AKAP7: variants seen among roughly 807,000 people sequenced by gnomAD.
AKAP7 encodes A kinase (PRKA) anchor protein 7.
In AKAP7, 39 loss-of-function variants were observed where a neutral mutation model predicts 39.5. The observed-to-expected ratio is 0.99, with a 90% CI of 0.76 to 1.29. The LOEUF (loss-of-function observed/expected upper bound fraction) is 1.29, where lower values mean the gene tolerates loss of function less well. Ranked by LOEUF, AKAP7 falls within the 50% of genes most tolerant of loss-of-function variation. AKAP7 has a pLI of 0.00. For missense variants in AKAP7, 414 were observed against 407.7 expected, an observed-to-expected ratio of 1.02 and a Z score of -0.13; for synonymous variants, 140 against 139.1, an observed-to-expected ratio of 1.01 and a Z score of -0.05.
intron 7 of AKAP7, among the ~76,000 whole-genome samples, chr6:131,228,327 G>C (rs1410121060): frequency 2.0e-5 from 3 of 152,186 alleles, no homozygotes; most frequent in Admixed American, 6.6e-5. Context: ...ATTTGAAAAT[G>C]TGTGTATTTC....
intron 7 of AKAP7, among the ~76,000 whole-genome samples, chr6:131,235,530 G>A (rs1810976150): frequency 6.6e-6 from 1 of 152,222 alleles, no homozygotes; most frequent in Admixed American, 6.5e-5. Flanking sequence ...CACCAACAGT[G>A]TAAAAGTGTT....
intron 5 of AKAP7, 59 bp downstream of exon 5, chr6:131,169,332 T>C (rs1408027): frequency 0.47 from 741,179 of 1,576,798 alleles, 177,067 homozygotes; most frequent in East Asian, 0.73. Flanking sequence ...TTTTTTTCAA[T>C]TTTGTAACAG....
chr6:131,240,183 G>C lies in AKAP7; in HGVS notation c.850+20375G>C, dbSNP rs552909638. ...TTGCTGGAGGTCCACTCCAGACCCTGTTTGCCTGGGTATCAGCAGCGGAGG... is the reference window on the plus strand; with the variant it reads ...TTGCTGGAGGTCCACTCCAGACCCTCTTTGCCTGGGTATCAGCAGCGGAGG... On this transcript the variant is annotated intron_variant, in intron 7 of 7. Transcript: ENST00000431975. 1.1e-3 allele frequency among the ~76,000 whole-genome samples: 165 copies of C among 152,332 alleles called. 1 individual carries two copies. Among genetic ancestry groups the C allele is most frequent in the African/African-American group, 3.7e-3 (152 of 41,598 alleles).
intron 5 of AKAP7, among the ~76,000 whole-genome samples, chr6:131,185,694 AAGG>A (rs1208917702): frequency 6.6e-6 from 1 of 152,204 alleles, no homozygotes; most frequent in Non-Finnish European, 1.5e-5. Flanking sequence ...TGTTGATTTG[AAGG>A]AGTTCTTTAA....
chr6:131,261,895 G>A (rs1813379209), intron 7 of AKAP7, among the ~76,000 whole-genome samples: 1 of 152,128 alleles, frequency 6.6e-6, no homozygotes, highest in African/African-American at 2.4e-5. Flanking sequence ...AGTTAAGTAA[G>A]TTTTGGAGGA....
intron 6 of AKAP7, among the ~76,000 whole-genome samples, chr6:131,208,985 T>TA (rs1431723031): frequency 6.6e-6 from 1 of 152,236 alleles, no homozygotes; most frequent in African/African-American, 2.4e-5. Context: ...CAGAGCAGGA[T>TA]ATATAATTTG....
rs777478905 is a variant in AKAP7, at chr6:131,165,131, G to A, written c.342G>A (p.Glu114=). The change falls in exon 4 of 8, where the codon GAG becomes GAA. Residue 114 remains glutamate (E), a synonymous_variant. Coordinates refer to ENST00000431975, the MANE Select transcript of AKAP7 (RefSeq NM_016377.4). ...ILQNAIIQQD[E]RLAKAMVSDG... ...AGAATGCAATAATACAACAAGATGA[G>A]CGACTGGCCAAAGCAATGGTCAGTG... 15 of 1,611,512 alleles carry A rather than the reference G, an allele frequency of 9.3e-6. No individual in the cohort carries two copies. Among genetic ancestry groups the A allele is most frequent in the Admixed American group, 6.7e-5 (4 of 59,874 alleles).
intron 2 of AKAP7, among the ~76,000 whole-genome samples, chr6:131,154,359 G>A (rs1450290643): frequency 1.3e-5 from 2 of 151,766 alleles, no homozygotes; most frequent in Non-Finnish European, 1.5e-5. Context: ...GCAAATTGTC[G>A]TAATTAGTAC....
intron 7 of AKAP7, among the ~76,000 whole-genome samples, chr6:131,261,013 A>G (rs1417105249): frequency 6.6e-6 from 1 of 152,100 alleles, no homozygotes; most frequent in Non-Finnish European, 1.5e-5. Context: ...CCTGACCAAC[A>G]TGGAGAAACC....
chr6:131,154,045 A>G (rs947182017), intron 2 of AKAP7, among the ~76,000 whole-genome samples: 4 of 152,100 alleles, frequency 2.6e-5, no homozygotes, highest in African/African-American at 9.7e-5. Flanking sequence ...ACCTGTCTCT[A>G]CTAAAAATAC....
At chr6:131,210,131 G>T (rs1808508410) in intron 6 of AKAP7, among the ~76,000 whole-genome samples, 1 of 152,180 alleles carries the variant, frequency 6.6e-6, no homozygotes, top group Non-Finnish European at 1.5e-5. Context: ...AGGAATTAAG[G>T]TTGCAATCCA....
chr6:131,136,818 C>G (rs1224122418), intron 1 of AKAP7: 2 of 982,870 alleles, frequency 2.0e-6, no homozygotes, highest in East Asian at 2.3e-4. Flanking sequence ...TTGATTTCTA[C>G]GCAGCTGTCA....
intron 7 of AKAP7, among the ~76,000 whole-genome samples, chr6:131,258,255 C>T (rs1009092521): frequency 6.6e-6 from 1 of 152,172 alleles, no homozygotes; most frequent in Non-Finnish European, 1.5e-5. Context: ...CACATGCTTC[C>T]TACTAATGGA....
chr6:131,244,282 C>T (rs2128314900), intron 7 of AKAP7, among the ~76,000 whole-genome samples: 1 of 152,312 alleles, frequency 6.6e-6, no homozygotes, highest in Non-Finnish European at 1.5e-5. Flanking sequence ...AGCTCGTACC[C>T]TCCTTGGGCC....
intron 7 of AKAP7, among the ~76,000 whole-genome samples, chr6:131,235,138 A>G (rs1036840859): frequency 6.6e-6 from 1 of 152,000 alleles, no homozygotes; most frequent in Non-Finnish European, 1.5e-5. Flanking sequence ...ATTCCCACCT[A>G]TGAATGAGAA....
intron 7 of AKAP7, among the ~76,000 whole-genome samples, chr6:131,246,272 T>G (rs1449295966): frequency 1.3e-5 from 2 of 152,238 alleles, no homozygotes; most frequent in Admixed American, 6.5e-5. Flanking sequence ...TACTTTTTAG[T>G]TTTATTGCTG....
At chr6:131,129,962 A>G in the AKAP7 span, among the ~76,000 whole-genome samples, 1 of 152,236 alleles carries the variant, frequency 6.6e-6, no homozygotes, top group Non-Finnish European at 1.5e-5. Context: ...GAAATTCACT[A>G]GGTCAGGACC....
intron 7 of AKAP7, among the ~76,000 whole-genome samples, chr6:131,275,194 A>C (rs1814646816): frequency 6.6e-6 from 1 of 152,186 alleles, no homozygotes; most frequent in Non-Finnish European, 1.5e-5. Flanking sequence ...AATAAGTTGA[A>C]CTCAGATTTA....
intron 6 of AKAP7, among the ~76,000 whole-genome samples, chr6:131,210,575 C>T (rs546368335): frequency 2.4e-4 from 36 of 152,358 alleles, no homozygotes; most frequent in African/African-American, 8.7e-4. Context: ...TTTATACTGT[C>T]CCTAAGCTGA....
Sources: gnomAD v4.1 joint callset for allele counts (sites outside exome capture counted in the v4.1 genomes callset) on GRCh38, gnomAD v4.1.1 for gene constraint, MANE v1.5 for transcripts, NCBI Gene and HGNC (gene_info 2026-07-23, HGNC 2026-07-21) for gene names.